The following STPG1 variants were observed in gnomAD, a reference collection of about 807,000 sequenced individuals.
The protein encoded by STPG1 is sperm tail PG-rich repeat containing 1.
STPG1 carries 33 observed loss-of-function variants against 40.1 expected under a neutral mutation model. The observed-to-expected ratio is 0.82, with a 90% CI of 0.62 to 1.10. The LOEUF (loss-of-function observed/expected upper bound fraction) is 1.10, where lower values mean the gene tolerates loss of function less well. Among genes scored for constraint, STPG1 ranks in the 50% least tolerant of loss-of-function variants. The probability of loss-of-function intolerance (pLI) is 0.00; values close to 1 mark genes in which losing one functional copy is unlikely to be tolerated. For missense variants in STPG1, 396 were observed against 415.1 expected, an observed-to-expected ratio of 0.95 and a Z score of 0.40; for synonymous variants, 150 against 155.0, an observed-to-expected ratio of 0.97 and a Z score of 0.24.
At chr1:24,366,174 G>A (rs754640273) in intron 7 of STPG1, among the ~76,000 whole-genome samples, 7 of 152,186 alleles carry the variant, frequency 4.6e-5, no homozygotes, top group Non-Finnish European at 1.0e-4. Context: ...AGACAGATGA[G>A]GGCAGGTCTC....
intron 6 of STPG1, among the ~76,000 whole-genome samples, chr1:24,370,293 A>G (rs187490225): frequency 5.9e-5 from 9 of 151,992 alleles, no homozygotes; most frequent in African/African-American, 2.2e-4. Flanking sequence ...GATGCTTTGT[A>G]AATATCATGC....
chr1:24,377,042 C>T (rs1209892030), intron 5 of STPG1, among the ~76,000 whole-genome samples: 3 of 151,228 alleles, frequency 2.0e-5, no homozygotes, highest in African/African-American at 7.3e-5. Flanking sequence ...GGATGGATTA[C>T]GAGGTCAGGA....
intron 5 of STPG1, among the ~76,000 whole-genome samples, chr1:24,377,483 T>G (rs1238947049): frequency 2.0e-5 from 3 of 152,076 alleles, no homozygotes; most frequent in Admixed American, 1.3e-4. Flanking sequence ...TACCAGGACC[T>G]TGGCACATGC....
chr1:24,366,409 T>C (rs1044709555), intron 7 of STPG1, among the ~76,000 whole-genome samples: 1 of 152,184 alleles, frequency 6.6e-6, no homozygotes, highest in African/African-American at 2.4e-5. Context: ...AGAACTGGAA[T>C]TTGAGAAACT....
At chr1:24,410,467 G>C (rs957024408) in intron 1 of STPG1, among the ~76,000 whole-genome samples, 2 of 152,144 alleles carry the variant, frequency 1.3e-5, no homozygotes, top group African/African-American at 2.4e-5. Flanking sequence ...AAATTAGCTG[G>C]ACATGGTGGC....
At chr1:24,406,288 ATAATG>A (rs1280244267) in intron 1 of STPG1, among the ~76,000 whole-genome samples, 7 of 152,136 alleles carry the variant, frequency 4.6e-5, no homozygotes, top group African/African-American at 9.7e-5. Flanking sequence ...TACTTCACAT[ATAATG>A]TAAGAATTTT....
chr1:24,376,654 G>C (rs1193436900), intron 5 of STPG1, among the ~76,000 whole-genome samples: 1 of 152,166 alleles, frequency 6.6e-6, no homozygotes, highest in African/African-American at 2.4e-5. Context: ...CCGGGTGAAG[G>C]AGTAGACAGT....
rs769699188 is a variant in STPG1, at chr1:24,369,801, G to T, written c.610C>A (p.Pro204Thr). The T allele has an allele frequency of 4.0e-5, 64 of 1,611,594 alleles. No individual in the cohort carries two copies. The highest frequency in any genetic ancestry group is 5.4e-5 in the Non-Finnish European group (64 of 1,178,204). ...DINESLVKQS[P>T]NTLMSCFKSK... ...TTAAAACAAGACATTAATGTATTTG[G>T]CGACTGCTTCACAAGGGATTCGTTG... is the stretch of plus-strand genomic sequence containing the variant. Residue 204 changes from proline (P) to threonine (T), a missense_variant, in exon 7 of 9, where the codon CCA becomes ACA. Pro to Thr is a conservative substitution (Grantham distance 38, BLOSUM62 -1). Transcript: ENST00000337248.
At chr1:24,372,144 C>T (rs1641779669) in intron 6 of STPG1, among the ~76,000 whole-genome samples, 1 of 152,206 alleles carries the variant, frequency 6.6e-6, no homozygotes, top group Non-Finnish European at 1.5e-5. Context: ...TGCCACTGCA[C>T]TCCAGCCTGG....
Position 24,359,340 on chromosome 1 carries a change from G to T in STPG1, c.929-721C>A, listed in dbSNP as rs142551578. ...AAGTCATTCGGGCAATGCTTCCAGA[G>T]GATGTGGTAGAGCAGGGTCAAAGCA... On this transcript the variant is annotated intron_variant, in intron 8 of 8. Coordinates refer to ENST00000337248, the MANE Select transcript of STPG1 (RefSeq NM_001199013.2). This position sits in a 1 kb window ranked among gnomAD's most constrained non-coding sequence, Gnocchi z 5.3. Among the ~76,000 whole-genome samples the T allele has an allele frequency of 8.5e-5, 13 of 152,266 alleles. No individual in the cohort carries two copies. The highest frequency in any genetic ancestry group is 1.6e-4 in the Non-Finnish European group (11 of 68,054).
chr1:24,373,768 G>C lies in STPG1; in HGVS notation c.505C>G (p.Arg169Gly), dbSNP rs201740000. 25 of 1,611,968 alleles carry C rather than the reference G, an allele frequency of 1.6e-5. No homozygotes were observed. In the East Asian group the frequency reaches 2.0e-4, roughly 13 times the overall value. Residue 169 changes from arginine to glycine, a missense_variant, in exon 6 of 9, where the codon CGA becomes GGA. Arg to Gly is a moderately radical substitution (Grantham distance 125). Transcript: ENST00000337248. The stretch of plus-strand genomic sequence containing the variant: ...TGGGTTTTTGACATAAACCCGGCTC[G>C]AGTACAGACGTTGTTTCTCTGCTTG... Reference protein sequence around the residue: ...CCKQRNNVCTRAGFMSKTQRG... With the variant: ...CCKQRNNVCTGAGFMSKTQRG...
chr1:24,400,063 C>T (rs1398933869), intron 2 of STPG1, among the ~76,000 whole-genome samples: 3 of 152,200 alleles, frequency 2.0e-5, no homozygotes. Context: ...TCCCACAAGA[C>T]AAGTACAAGA....
upstream of STPG1, chr1:24,414,105 G>T (rs1156235208): frequency 6.6e-6 from 1 of 151,916 alleles, no homozygotes; most frequent in Non-Finnish European, 1.5e-5. Flanking sequence ...GTGCAGTGGC[G>T]CAATCTTGGC....
intron 6 of STPG1, among the ~76,000 whole-genome samples, chr1:24,372,878 C>T (rs1328001362): frequency 6.6e-6 from 1 of 152,118 alleles, no homozygotes; most frequent in East Asian, 1.9e-4. Context: ...TCTGTGGGAC[C>T]TATTTGGGAT....
Position 24,357,890 on chromosome 1 carries a change from C to T in STPG1, c.*653G>A, listed in dbSNP as rs114389997. ...CAGGGAAAAGCGCAGCCCCCGGGCC[C>T]GGCCACTGCCATTCCAAGATGATCT... On this transcript the variant is annotated 3_prime_UTR_variant, in exon 9 of 9. Coordinates refer to ENST00000337248, the MANE Select transcript of STPG1 (RefSeq NM_001199013.2). The T allele has an allele frequency of 2.2e-5, 7 of 320,840 alleles. No individual in the cohort carries two copies. The highest frequency in any genetic ancestry group is 5.5e-5 in the South Asian group (2 of 36,560). 19.9% of individuals were successfully genotyped at this position (320,840 alleles called of 1,614,324 possible).
intron 4 of STPG1, among the ~76,000 whole-genome samples, chr1:24,382,409 A>G (rs972148040): frequency 1.3e-5 from 2 of 152,220 alleles, no homozygotes; most frequent in Non-Finnish European, 2.9e-5. Flanking sequence ...ACTCATTGCA[A>G]CGTTAATTTG....
At chr1:24,395,835 T>C (rs1257772907) in intron 2 of STPG1, among the ~76,000 whole-genome samples, 4 of 152,016 alleles carry the variant, frequency 2.6e-5, no homozygotes, top group Admixed American at 2.6e-4. Flanking sequence ...CTCACCAAAT[T>C]AGCCAGGCAT....
At chr1:24,383,071 C>A (rs1642359492) in intron 4 of STPG1, among the ~76,000 whole-genome samples, 1 of 152,026 alleles carries the variant, frequency 6.6e-6, no homozygotes, top group Non-Finnish European at 1.5e-5. Context: ...ATCACCACTC[C>A]TGGCTAATTT....
chr1:24,379,621 C>T (rs752934316), intron 5 of STPG1, 32 bp downstream of exon 5: 10 of 1,606,238 alleles, frequency 6.2e-6, no homozygotes, highest in Admixed American at 1.7e-5. Flanking sequence ...TTAATTCGAT[C>T]TGTATTTAGC....
Sources: allele counts gnomAD v4.1 joint callset (sites outside exome capture counted in the v4.1 genomes callset), GRCh38; gene constraint gnomAD v4.1.1; non-coding constraint Gnocchi (gnomAD v3.1); transcripts MANE v1.5; gene names NCBI Gene and HGNC (gene_info 2026-07-23, HGNC 2026-07-21).